The following SMC4 variants were observed in gnomAD, a reference collection of about 807,000 sequenced individuals.
SMC4 encodes structural maintenance of chromosomes 4, also known as structural maintenance of chromosomes protein 4.
In SMC4, 87 loss-of-function variants were observed where a neutral mutation model predicts 145.6. That is an observed-to-expected ratio of 0.60 (90% CI 0.50 to 0.71). The LOEUF is 0.71. Among genes scored for constraint, SMC4 ranks in the 30% least tolerant of loss-of-function variants. The pLI, the probability that SMC4 is intolerant of heterozygous loss-of-function variation, is 0.00. For synonymous variants in SMC4, 558 were observed against 500.7 expected, an observed-to-expected ratio of 1.11 and a Z score of -1.53; for missense variants, 1,447 against 1,537.1, an observed-to-expected ratio of 0.94 and a Z score of 0.98.
intron 20 of SMC4, 141 bp downstream of exon 20, chr3:160,431,346 TA>T: frequency 2.8e-6 from 2 of 718,460 alleles, no homozygotes; most frequent in Non-Finnish European, 4.4e-6. Flanking sequence ...TGATCACTTC[TA>T]AGGTTTATAG....
chr3:160,415,888 T>A (rs971566109), intron 9 of SMC4, among the ~76,000 whole-genome samples: 35 of 152,322 alleles, frequency 2.3e-4, no homozygotes, highest in African/African-American at 8.2e-4. Context: ...TGTGGTAAGT[T>A]ATGATATACC....
chr3:160,417,720 C>T lies in SMC4; in HGVS notation c.1438-3C>T. ...CAGATTTAATGAACTCATATTTTAACAGAGTCGAGAGAAAGAACTTATGGG... is the reference window on the plus strand; with the variant it reads ...CAGATTTAATGAACTCATATTTTAATAGAGTCGAGAGAAAGAACTTATGGG... On this transcript the variant is annotated splice_polypyrimidine_tract_variant and splice_region_variant and intron_variant, in intron 10 of 23. Transcript: ENST00000357388. 6.2e-7 allele frequency: 1 copy of T among 1,605,336 alleles called. No homozygotes were observed.
intron 15 of SMC4, 140 bp downstream of exon 15, chr3:160,423,980 G>T: frequency 1.9e-6 from 1 of 526,772 alleles, no homozygotes; most frequent in Non-Finnish European, 3.3e-6. Flanking sequence ...TAAATGACTA[G>T]GGATTTTTTA....
intron 1 of SMC4, chr3:160,400,125 A>G (rs1559983680): frequency 6.6e-6 from 1 of 152,348 alleles, no homozygotes; most frequent in African/African-American, 2.4e-5. Flanking sequence ...TTTACTGTCC[A>G]ACGGGACTCC....
chr3:160,404,719 T>G, intron 5 of SMC4: 1 of 687,680 alleles, frequency 1.5e-6, no homozygotes, highest in Non-Finnish European at 2.8e-6. Flanking sequence ...GATGTTCGTT[T>G]TATGTTTGGA....
In SMC4 at chr3:160,413,614, GTAA is replaced by G. The variant is rs779751233; in HGVS notation, c.1121+7_1121+9del. On this transcript the variant is annotated splice_donor_variant and splice_donor_region_variant and intron_variant, in intron 8 of 23. Coordinates refer to ENST00000357388, the MANE Select transcript of SMC4 (RefSeq NM_001002800.3). LOFTEE classifies it high-confidence loss of function. Reference sequence around the variant, plus strand: ...ATAAAGATGTAAAAGATACAGAAAAGTAATAATATTTTGGGAAGTACTAAAAGT... The same window carrying G: ...ATAAAGATGTAAAAGATACAGAAAAGTAATATTTTGGGAAGTACTAAAAGT... 13 of 1,347,672 alleles carry G rather than the reference GTAA, an allele frequency of 9.6e-6. No homozygotes were observed. The highest frequency in any genetic ancestry group is 7.2e-5 in the East Asian group (3 of 41,706). The allele number at this position is 1,347,672 out of a possible 1,614,324, so 83.5% of individuals were successfully genotyped here. A position where few individuals can be genotyped will look rare whatever the true frequency, so the allele number is the denominator to read the frequency against.
At chr3:160,433,594 T>C in intron 23 of SMC4, 63 bp from the exon 24 acceptor site, 1 of 976,562 alleles carries the variant, frequency 1.0e-6, no homozygotes, top group South Asian at 1.8e-5. Flanking sequence ...ATATTTGAGG[T>C]TACATGTTTG....
chr3:160,430,716 G>A lies in SMC4; in HGVS notation c.2913G>A (p.Glu971=). The A allele has an allele frequency of 6.2e-7, 1 of 1,612,608 alleles. No individual in the cohort carries two copies. Among genetic ancestry groups the A allele is most frequent in the Non-Finnish European group, 8.5e-7 (1 of 1,179,584 alleles). The change falls in exon 19 of 24, where the codon GAG becomes GAA. Residue 971 remains glutamate (E), a synonymous_variant. Transcript: ENST00000357388. ...AAAGTCTTGAGGACAAAGCAGCAGAGGTCGTAAAGAATACAAATGCTGCAG... is the reference window on the plus strand; with the variant it reads ...AAAGTCTTGAGGACAAAGCAGCAGAAGTCGTAAAGAATACAAATGCTGCAG... The part of the protein sequence containing the change: ...ELKSLEDKAA[E]VVKNTNAAEE...
chr3:160,415,692 C>G (rs1716507265), intron 9 of SMC4, among the ~76,000 whole-genome samples: 1 of 152,038 alleles, frequency 6.6e-6, no homozygotes, highest in South Asian at 2.1e-4. Context: ...TGGGGGTAAC[C>G]CCAAAGACTT....
Position 160,402,004 on chromosome 3 carries a change from G to A in SMC4, c.229G>A (p.Ala77Thr). ...PPPPPAMTNE[A>T]GAPRLMITHI... ...CCCGCCTCCAGCAATGACCAATGAA[G>A]CTGGAGCTCCTCGGCTTATGATAAC... The change falls in exon 3 of 24, where the codon GCT becomes ACT. Residue 77 changes from alanine (A) to threonine (T), a missense_variant. Ala to Thr is a moderately conservative substitution (Grantham distance 58). Coordinates refer to ENST00000357388, the MANE Select transcript of SMC4 (RefSeq NM_001002800.3). 6.2e-7 allele frequency: 1 copy of A among 1,603,424 alleles called. No individual in the cohort carries two copies. Among genetic ancestry groups the A allele is most frequent in the Non-Finnish European group, 8.5e-7 (1 of 1,175,768 alleles).
chr3:160,418,374 A>T (rs1716806888), intron 11 of SMC4, among the ~76,000 whole-genome samples: 1 of 152,186 alleles, frequency 6.6e-6, no homozygotes, highest in Non-Finnish European at 1.5e-5. Flanking sequence ...AAAATGTTAT[A>T]AACTAACTAA....
rs746855497 is a variant in SMC4 at position 160,431,705 on chromosome 3, C to T, written c.3177C>T (p.Ser1059=). The T allele has an allele frequency of 6.2e-7, 1 of 1,613,256 alleles. No homozygotes were observed. Residue 1059 remains serine, a synonymous_variant, in exon 21 of 24, where the codon AGC becomes AGT. Coordinates refer to ENST00000357388, the MANE Select transcript of SMC4 (RefSeq NM_001002800.3). ...CTATTGAAGAGATTTCGGTTCTAAG[C>T]CCAGAGGATCTTGAAGCGATCAAGA... The part of the protein sequence containing the change: ...DNPIEEISVL[S]PEDLEAIKNP...
At position 160,417,757 on chromosome 3, in the gene SMC4, C is replaced by T. The variant is rs747376250; in HGVS notation, c.1472C>T (p.Ser491Leu). 1.9e-6 allele frequency: 3 copies of T among 1,612,704 alleles called. No individual in the cohort carries two copies. The highest frequency in any genetic ancestry group is 1.7e-4 in the Middle Eastern group (1 of 6,060). ...AAAGAACTTATGGGTTTCAGCAAAT[C>T]GGTAAATGAAGCACGTTCAAAGATG... is the stretch of plus-strand genomic sequence containing the variant. The part of the protein sequence containing the change: ...REKELMGFSK[S>L]VNEARSKMDV... Residue 491 changes from serine to leucine, a missense_variant, in exon 11 of 24, where the codon TCG becomes TTG. By Grantham distance (145) the Ser-to-Leu change is moderately radical. Coordinates refer to ENST00000357388, the MANE Select transcript of SMC4 (RefSeq NM_001002800.3).
intron 5 of SMC4, among the ~76,000 whole-genome samples, chr3:160,411,096 T>C (rs1715946902): frequency 6.6e-6 from 1 of 152,226 alleles, no homozygotes; most frequent in Non-Finnish European, 1.5e-5. Flanking sequence ...CCTTGATGGT[T>C]ACTTATTATG....
At chr3:160,424,043 C>A (rs1276373381) in intron 15 of SMC4, among the ~76,000 whole-genome samples, 1 of 152,100 alleles carries the variant, frequency 6.6e-6, no homozygotes, top group Non-Finnish European at 1.5e-5. Context: ...AAACTATATG[C>A]TCAAAGTACA....
At position 160,425,019 on chromosome 3, in the gene SMC4, G is replaced by GGTAT; in HGVS notation, c.2478+3_2478+6dup. 2 of 1,227,014 alleles carry GGTAT rather than the reference G, an allele frequency of 1.6e-6. No homozygotes were observed. Among genetic ancestry groups the GGTAT allele is most frequent in the Non-Finnish European group, 1.1e-6 (1 of 904,472 alleles). 76.0% of individuals were successfully genotyped at this position (1,227,014 alleles called of 1,614,324 possible). A position where few individuals can be genotyped will look rare whatever the true frequency, so the allele number is the denominator to read the frequency against. On this transcript the variant is annotated frameshift_variant and splice_region_variant. Coordinates refer to ENST00000357388, the MANE Select transcript of SMC4 (RefSeq NM_001002800.3). LOFTEE classifies it high-confidence loss of function. ...TAGAAAAATTTACTGCAAGCATCCA[G>GGTAT]GTATGTGTGTGTGTGTGTGTGTGTG...
Position 160,426,107 on chromosome 3 carries a change from C to T in SMC4, c.2512C>T (p.Gln838Ter). ...AGAGCAAGAAGAATATTTGAATGTCCAAGTTAAGGAACTTGAAGCTAATGT... is the reference window on the plus strand; with the variant it reads ...AGAGCAAGAAGAATATTTGAATGTCTAAGTTAAGGAACTTGAAGCTAATGT... ...LIEQEEYLNV[Q>*]VKELEANVLA... The change falls in exon 17 of 24, where the codon CAA becomes TAA. Residue 838 changes from glutamine to a stop codon, truncating the protein, a stop_gained. Transcript: ENST00000357388. LOFTEE classifies it high-confidence loss of function. 6.2e-7 allele frequency: 1 copy of T among 1,605,566 alleles called. No individual in the cohort carries two copies. The highest frequency in any genetic ancestry group is 8.5e-7 in the Non-Finnish European group (1 of 1,175,902).
chr3:160,419,302 G>A lies in SMC4; in HGVS notation c.1672-56G>A, dbSNP rs1396872884. ...AGCATTACAACTAATTCAGTGCTAT[G>A]ACTGGTCATATTTAGAAGTTAATGC... On this transcript the variant is annotated intron_variant, in intron 11 of 23. Transcript: ENST00000357388. The A allele has an allele frequency of 6.0e-6, 7 of 1,175,574 alleles. 2 individuals are homozygous for A. Among genetic ancestry groups the A allele is most frequent in the South Asian group, 5.8e-5 (4 of 68,752 alleles). The allele number at this position is 1,175,574 out of a possible 1,614,324, so 72.8% of individuals were successfully genotyped here.
At chr3:160,409,287 A>G (rs950145772) in intron 5 of SMC4, among the ~76,000 whole-genome samples, 2 of 148,982 alleles carry the variant, frequency 1.3e-5, no homozygotes, top group Non-Finnish European at 3.0e-5. Flanking sequence ...AAAAAAAAAA[A>G]AAAAAGACTG....
Sources: gnomAD v4.1 joint callset for allele counts (sites outside exome capture counted in the v4.1 genomes callset) on GRCh38, gnomAD v4.1.1 for gene constraint, MANE v1.5 for transcripts, NCBI Gene and HGNC (gene_info 2026-07-23, HGNC 2026-07-21) for gene names.